The following RIPOR3 variants were observed in gnomAD, a reference collection of about 807,000 sequenced individuals.
The protein encoded by RIPOR3 is family with sequence similarity 65 member C.
In RIPOR3, 95 loss-of-function variants were observed where a neutral mutation model predicts 114.3. The ratio of observed to expected loss-of-function variants is 0.83; its 90% confidence interval spans 0.70 to 0.99. The LOEUF (loss-of-function observed/expected upper bound fraction) is 0.99, where lower values mean the gene tolerates loss of function less well. Ranked by LOEUF, RIPOR3 falls within the 50% of genes least tolerant of loss-of-function variation. The pLI is 0.00. For synonymous variants in RIPOR3, 575 were observed against 543.8 expected, an observed-to-expected ratio of 1.06 and a Z score of -0.80; for missense variants, 1,252 against 1,266.9, an observed-to-expected ratio of 0.99 and a Z score of 0.18.
At chr20:50,683,242 G>A (rs982647617) in intron 1 of RIPOR3, among the ~76,000 whole-genome samples, 1 of 152,156 alleles carries the variant, frequency 6.6e-6, no homozygotes, top group Non-Finnish European at 1.5e-5. Context: ...AGTGAGAGAG[G>A]GAGGGAGGCA....
At chr20:50,627,896 C>A (rs1447791405) in intron 2 of RIPOR3, among the ~76,000 whole-genome samples, 2 of 152,212 alleles carry the variant, frequency 1.3e-5, no homozygotes, top group African/African-American at 2.4e-5. Context: ...GGTCTGCAGA[C>A]CCTACCCCTC....
intron 12 of RIPOR3, among the ~76,000 whole-genome samples, chr20:50,603,030 C>A (rs1376675244): frequency 6.6e-6 from 1 of 152,250 alleles, no homozygotes; most frequent in African/African-American, 2.4e-5. Flanking sequence ...TCCTGAGAAC[C>A]CTGTCCTGGA....
In RIPOR3 at chr20:50,609,635, G is replaced by C; in HGVS notation, c.514C>G (p.Pro172Ala). 1 of 1,402,420 alleles carries C rather than the reference G, an allele frequency of 7.1e-7. No individual in the cohort carries two copies. The allele number at this position is 1,402,420 out of a possible 1,614,324, so 86.9% of individuals were successfully genotyped here. The change falls in exon 7 of 22, where the codon CCG (proline) becomes GCG (alanine). Residue 172 changes from proline to alanine, a missense_variant. Pro to Ala is a conservative substitution (Grantham distance 27). Coordinates refer to ENST00000327979, the MANE Select transcript of RIPOR3 (RefSeq NM_001290268.2). ...AGGCTCTCTCGGGCTGCGCGGCTCG[G>C]GGGGCACCGGGCGAAGGCCCGCTGC... ...SMQRAFARCP[P>A]SRAARESLQE...
At chr20:50,594,329 A>G (rs1286656318) in intron 17 of RIPOR3, among the ~76,000 whole-genome samples, 1 of 151,290 alleles carries the variant, frequency 6.6e-6, no homozygotes, top group East Asian at 2.0e-4. Flanking sequence ...ACGCAGCTTC[A>G]GGGCTCCACA....
chr20:50,608,800 A>G (rs544661437), intron 9 of RIPOR3, 62 bp from the exon 10 acceptor site: 1 of 1,612,692 alleles, frequency 6.2e-7, no homozygotes, highest in East Asian at 2.2e-5. Flanking sequence ...CTGTCCGCCC[A>G]GGGCCCTCCC....
At position 50,604,732 on chromosome 20, in the gene RIPOR3, C is replaced by G. The variant is rs931422511; in HGVS notation, c.999G>C (p.Thr333=). Reference sequence around the variant, plus strand: ...TCCTGCTGCCCATAGAAAACTTGCCCGTGGGGCTGGGTGACACCAGGAAGC... The same window carrying G: ...TCCTGCTGCCCATAGAAAACTTGCCGGTGGGGCTGGGTGACACCAGGAAGC... ...TESFLVSPSP[T]GKFSMGSRKG... Residue 333 remains threonine (T), a synonymous_variant, in exon 12 of 22, where the codon ACG becomes ACC. Transcript: ENST00000327979. 6.2e-7 allele frequency: 1 copy of G among 1,608,820 alleles called. No individual in the cohort carries two copies. Among genetic ancestry groups the G allele is most frequent in the Non-Finnish European group, 8.5e-7 (1 of 1,177,982 alleles).
chr20:50,615,936 G>A (rs41310026), intron 4 of RIPOR3, 66 bp downstream of exon 4: 11 of 1,448,358 alleles, frequency 7.6e-6, no homozygotes, highest in Admixed American at 2.0e-5. Flanking sequence ...TAGAAGGAAC[G>A]CAGGGTTCAT....
chr20:50,634,178 C>T lies in RIPOR3; in HGVS notation c.4-3322G>A, dbSNP rs915226310. ...TGTATTCATTGTAGAGATAGGGTTT[C>T]GCCATGTTGTCCAGGCTGTTCTCGA... On this transcript the variant is annotated intron_variant, in intron 1 of 21. Coordinates refer to ENST00000327979, the MANE Select transcript of RIPOR3 (RefSeq NM_001290268.2). 1.9e-3 allele frequency among the ~76,000 whole-genome samples: 287 copies of T among 152,046 alleles called. 3 individuals are homozygous for T. Among genetic ancestry groups the T allele is most frequent in the East Asian group, 5.8e-4 (3 of 5,162 alleles).
At chr20:50,599,916 T>C (rs528866299) in intron 13 of RIPOR3, among the ~76,000 whole-genome samples, 77 of 152,160 alleles carry the variant, frequency 5.1e-4, no homozygotes, top group African/African-American at 1.8e-3. Context: ...TTTTTTCTTT[T>C]GAGAGAGAGA....
At chr20:50,644,802 T>C (rs913325872) in intron 1 of RIPOR3, among the ~76,000 whole-genome samples, 161 of 149,688 alleles carry the variant, frequency 1.1e-3, no homozygotes, top group African/African-American at 3.7e-3. Context: ...ATTCCAGGTG[T>C]GAGCCACTGC....
chr20:50,673,083 C>G (rs534840740), intron 1 of RIPOR3, among the ~76,000 whole-genome samples: 1 of 152,324 alleles, frequency 6.6e-6, no homozygotes, highest in South Asian at 2.1e-4. Flanking sequence ...CAGGAGAAGG[C>G]TCCTACCTGC....
intron 3 of RIPOR3, among the ~76,000 whole-genome samples, chr20:50,616,869 GCC>G: frequency 6.6e-6 from 1 of 152,296 alleles, no homozygotes; most frequent in Middle Eastern, 3.4e-3. Flanking sequence ...TAGGCCGGGC[GCC>G]GTGGCTGACG....
intron 17 of RIPOR3, among the ~76,000 whole-genome samples, 182 bp from the exon 18 acceptor site, chr20:50,593,378 G>T (rs530386811): frequency 1.1e-3 from 160 of 152,322 alleles, no homozygotes; most frequent in Middle Eastern, 3.4e-3. Context: ...TTCGAGACCA[G>T]CCTGACCAAC....
intron 1 of RIPOR3, among the ~76,000 whole-genome samples, chr20:50,633,986 T>C (rs6067494): frequency 0.068 from 10,082 of 147,376 alleles, 437 homozygotes; most frequent in Middle Eastern, 0.13. Context: ...TTTTCTTTTT[T>C]TTTTTTTTTT....
intron 1 of RIPOR3, among the ~76,000 whole-genome samples, chr20:50,641,355 C>T (rs1010667093): frequency 7.2e-5 from 11 of 152,210 alleles, no homozygotes; most frequent in African/African-American, 2.7e-4. Context: ...GCTGGGACTA[C>T]AGGTATGTGC....
intron 1 of RIPOR3, among the ~76,000 whole-genome samples, chr20:50,685,905 T>A (rs917184224): frequency 6.6e-6 from 1 of 151,264 alleles, no homozygotes; most frequent in Non-Finnish European, 1.5e-5. Context: ...TGGGCTCACA[T>A]GGAAAAATGT....
chr20:50,606,146 C>G (rs562427392), intron 11 of RIPOR3, among the ~76,000 whole-genome samples: 2 of 152,338 alleles, frequency 1.3e-5, no homozygotes, highest in Admixed American at 1.3e-4. Flanking sequence ...GCAGATGTTG[C>G]AGTGAGCCGA....
intron 1 of RIPOR3, among the ~76,000 whole-genome samples, chr20:50,673,498 C>T (rs913728507): frequency 4.6e-5 from 7 of 152,200 alleles, no homozygotes; most frequent in Non-Finnish European, 1.0e-4. Flanking sequence ...AACCCACCCA[C>T]TGGCTCTCCC....
intron 17 of RIPOR3, among the ~76,000 whole-genome samples, chr20:50,593,841 A>C (rs2083193209): frequency 6.6e-6 from 1 of 152,054 alleles, no homozygotes; most frequent in Non-Finnish European, 1.5e-5. Flanking sequence ...CCACAGAGAA[A>C]GGCAAATTCT....
Sources: gnomAD v4.1 joint callset for allele counts (sites outside exome capture counted in the v4.1 genomes callset) on GRCh38, gnomAD v4.1.1 for gene constraint, MANE v1.5 for transcripts, NCBI Gene and HGNC (gene_info 2026-07-23, HGNC 2026-07-21) for gene names.